Variants in DOK6 observed in about 807,000 individuals in gnomAD.
The protein encoded by DOK6 is downstream of tyrosine kinase 6.
DOK6 carries 22 observed loss-of-function variants against 44.0 expected under a neutral mutation model. The ratio of observed to expected loss-of-function variants is 0.50; its 90% CI spans 0.36 to 0.71. The LOEUF is 0.71. Ranked by LOEUF, DOK6 falls within the 30% of genes least tolerant of loss-of-function variation. DOK6 has a pLI of 0.00. For missense variants in DOK6, 340 were observed against 416.4 expected (o/e 0.82, Z 1.60); for synonymous variants, 166 against 145.5 (o/e 1.14, Z -1.01).
At chr18:69,608,934 A>T (rs1984067422) in intron 3 of DOK6, among the ~76,000 whole-genome samples, 1 of 133,176 alleles carries the variant, frequency 7.5e-6, no homozygotes, top group Non-Finnish European at 1.6e-5. Context: ...TGAGCAACAG[A>T]GCAAGACTCT....
intron 4 of DOK6, among the ~76,000 whole-genome samples, chr18:69,681,776 A>C (rs1373786061): frequency 1.3e-5 from 2 of 152,248 alleles, no homozygotes; most frequent in African/African-American, 4.8e-5. Context: ...GCAATTGTGG[A>C]AAACAAATGT....
At chr18:69,437,421 C>T (rs1176796870) in intron 1 of DOK6, among the ~76,000 whole-genome samples, 2 of 152,304 alleles carry the variant, frequency 1.3e-5, no homozygotes, top group East Asian at 3.9e-4. Flanking sequence ...GGAATCCTTT[C>T]CCCATTGCTG....
intron 1 of DOK6, among the ~76,000 whole-genome samples, chr18:69,561,189 T>G (rs1228728106): frequency 6.6e-6 from 1 of 152,152 alleles, no homozygotes; most frequent in Non-Finnish European, 1.5e-5. Context: ...TGAGGTACCC[T>G]TCTTTATCAG....
intron 1 of DOK6, among the ~76,000 whole-genome samples, chr18:69,437,693 C>T (rs533657875): frequency 6.6e-6 from 1 of 152,036 alleles, no homozygotes; most frequent in Non-Finnish European, 1.5e-5. Flanking sequence ...GTAGTTTTTT[C>T]TAATTCTGTG....
chr18:69,509,690 C>G (rs1981311725), intron 1 of DOK6, among the ~76,000 whole-genome samples: 1 of 144,238 alleles, frequency 6.9e-6, no homozygotes, highest in African/African-American at 2.6e-5. Flanking sequence ...TTTGTACTTT[C>G]TGTGTCAGAC....
At chr18:69,463,120 G>A (rs995788514) in intron 1 of DOK6, among the ~76,000 whole-genome samples, 1 of 152,140 alleles carries the variant, frequency 6.6e-6, no homozygotes, top group Admixed American at 6.5e-5. Flanking sequence ...CTGGTGTCTA[G>A]TGAGGGCCTG....
intron 1 of DOK6, among the ~76,000 whole-genome samples, chr18:69,557,094 A>G (rs1437539613): frequency 6.6e-6 from 1 of 152,176 alleles, no homozygotes; most frequent in Non-Finnish European, 1.5e-5. Flanking sequence ...TGTCATTCAC[A>G]TGGTATCTTG....
intron 1 of DOK6, among the ~76,000 whole-genome samples, chr18:69,486,121 A>G (rs962185801): frequency 6.6e-6 from 1 of 151,874 alleles, no homozygotes; most frequent in Non-Finnish European, 1.5e-5. Context: ...ATATAATGTA[A>G]CATTATTATA....
intron 3 of DOK6, among the ~76,000 whole-genome samples, chr18:69,635,907 C>T (rs1301797411): frequency 6.6e-6 from 1 of 152,098 alleles, no homozygotes; most frequent in Admixed American, 6.6e-5. Context: ...GAAGGTTGCC[C>T]GTTTTCAGTG....
intron 2 of DOK6, among the ~76,000 whole-genome samples, chr18:69,595,612 T>C (rs1424172110): frequency 6.6e-6 from 1 of 152,170 alleles, no homozygotes; most frequent in Non-Finnish European, 1.5e-5. Flanking sequence ...TTGATGTTTG[T>C]CTTTGCTTCA....
chr18:69,478,941 G>T (rs1469866603), intron 1 of DOK6, among the ~76,000 whole-genome samples: 1 of 152,164 alleles, frequency 6.6e-6, no homozygotes, highest in Non-Finnish European at 1.5e-5. Context: ...CCACCAGATT[G>T]TAGTATAGAT....
At chr18:69,798,853 TC>T (rs1448465996) in intron 7 of DOK6, among the ~76,000 whole-genome samples, 1 of 152,004 alleles carries the variant, frequency 6.6e-6, no homozygotes, top group Non-Finnish European at 1.5e-5. Context: ...TTCAACTTAT[TC>T]CTACTGTTAT....
chr18:69,583,617 G>A (rs1040711700), intron 2 of DOK6, among the ~76,000 whole-genome samples: 2 of 151,842 alleles, frequency 1.3e-5, no homozygotes, highest in Admixed American at 1.3e-4. Context: ...TCCCATACAC[G>A]GCAAAGATTT....
chr18:69,598,905 T>C (rs1175143663), intron 2 of DOK6, among the ~76,000 whole-genome samples: 1 of 152,110 alleles, frequency 6.6e-6, no homozygotes, highest in East Asian at 1.9e-4. Context: ...TGCTCTAAAA[T>C]GTACCTTTTG....
intron 7 of DOK6, among the ~76,000 whole-genome samples, chr18:69,764,513 A>T (rs1019429248): frequency 1.3e-5 from 2 of 152,048 alleles, no homozygotes; most frequent in Non-Finnish European, 2.9e-5. Flanking sequence ...TTTCATAAGG[A>T]GCTTTTTCCC....
At chr18:69,780,436 A>T (rs1358376606) in intron 7 of DOK6, among the ~76,000 whole-genome samples, 1 of 152,154 alleles carries the variant, frequency 6.6e-6, no homozygotes, top group East Asian at 1.9e-4. Context: ...TACTGAAAAT[A>T]CAAAAATTAG....
intron 1 of DOK6, among the ~76,000 whole-genome samples, chr18:69,461,315 T>G (rs1476217106): frequency 6.6e-6 from 1 of 152,188 alleles, no homozygotes; most frequent in African/African-American, 2.4e-5. Flanking sequence ...TTTGCTTATT[T>G]TCAAGCCTCT....
chr18:69,797,665 T>G (rs970171859), intron 7 of DOK6, among the ~76,000 whole-genome samples: 3 of 152,138 alleles, frequency 2.0e-5, no homozygotes, highest in Admixed American at 6.6e-5. Flanking sequence ...TTTTTTTCCT[T>G]CTTTTCTTAT....
chr18:69,539,875 T>C (rs908158997), intron 1 of DOK6, among the ~76,000 whole-genome samples: 21 of 152,234 alleles, frequency 1.4e-4, no homozygotes, highest in Middle Eastern at 3.4e-3. Flanking sequence ...CTCAGTACTA[T>C]AAATAAATAC....
Sources: gnomAD v4.1 joint callset for allele counts (sites outside exome capture counted in the v4.1 genomes callset) on GRCh38, gnomAD v4.1.1 for gene constraint, MANE v1.5 for transcripts, NCBI Gene and HGNC (gene_info 2026-07-23, HGNC 2026-07-21) for gene names.